The following KLHL29 variants were observed in gnomAD, a reference collection of about 807,000 sequenced individuals.
KLHL29 encodes the protein kelch like family member 29.
Under a neutral mutation model 80.4 loss-of-function variants are expected in KLHL29, and 21 were observed. The observed-to-expected ratio is 0.26, with a 90% CI of 0.19 to 0.38. The LOEUF is 0.38. KLHL29 is among the 10% of genes least tolerant of loss of function. The probability of loss-of-function intolerance (pLI) is 1.00; values close to 1 mark genes in which losing one functional copy is unlikely to be tolerated. For synonymous variants in KLHL29, 511 were observed against 526.8 expected, an observed-to-expected ratio of 0.97 and a Z score of 0.41; for missense variants, 867 against 1,223.9, an observed-to-expected ratio of 0.71 and a Z score of 4.35.
intron 2 of KLHL29, among the ~76,000 whole-genome samples, chr2:23,504,761 G>A (rs1665551724): frequency 6.6e-6 from 1 of 152,256 alleles, no homozygotes; most frequent in South Asian, 2.1e-4. Flanking sequence ...GAGCCAGCAT[G>A]TGCCGGGCAC....
chr2:23,527,372 G>A (rs1484269088), intron 2 of KLHL29, among the ~76,000 whole-genome samples: 1 of 152,228 alleles, frequency 6.6e-6, no homozygotes, highest in Non-Finnish European at 1.5e-5. Flanking sequence ...ACCACACTGT[G>A]TCTGCAGGGC....
At chr2:23,403,827 A>G (rs1028465469) in intron 1 of KLHL29, among the ~76,000 whole-genome samples, 3 of 151,890 alleles carry the variant, frequency 2.0e-5, no homozygotes, top group Non-Finnish European at 2.9e-5. Context: ...TCTCCCAGAA[A>G]AAGAGCGTGT....
At chr2:23,572,857 C>T (rs1806977) in intron 3 of KLHL29, among the ~76,000 whole-genome samples, 2 of 152,216 alleles carry the variant, frequency 1.3e-5, no homozygotes, top group Non-Finnish European at 2.9e-5. Flanking sequence ...CCCGCCTCCG[C>T]GCCTGGCTAA....
chr2:23,606,134 G>C (rs2103526664), intron 3 of KLHL29, among the ~76,000 whole-genome samples: 1 of 150,926 alleles, frequency 6.6e-6, no homozygotes, highest in Admixed American at 6.6e-5. Context: ...ATCATTCCGT[G>C]AGCTAGTGTG....
At chr2:23,646,917 G>A (rs527560872) in intron 5 of KLHL29, among the ~76,000 whole-genome samples, 10 of 152,304 alleles carry the variant, frequency 6.6e-5, no homozygotes, top group South Asian at 2.1e-4. Context: ...GTGAGATTGC[G>A]GACATGTCCG....
At chr2:23,579,324 T>C (rs1041646095) in intron 3 of KLHL29, among the ~76,000 whole-genome samples, 1 of 152,240 alleles carries the variant, frequency 6.6e-6, no homozygotes, top group Non-Finnish European at 1.5e-5. Context: ...CTTCGAAGCC[T>C]GTGACTCTAA....
intron 1 of KLHL29, among the ~76,000 whole-genome samples, chr2:23,414,329 G>A (rs1666936492): frequency 6.6e-6 from 1 of 152,220 alleles, no homozygotes; most frequent in South Asian, 2.1e-4. Context: ...GGGGCTGTGG[G>A]GGCCGCGCAG....
chr2:23,488,575 C>G (rs1337291086), intron 2 of KLHL29, among the ~76,000 whole-genome samples: 1 of 152,230 alleles, frequency 6.6e-6, no homozygotes. Flanking sequence ...CAGAGAAAAG[C>G]AGAAAGGTTT....
intron 1 of KLHL29, among the ~76,000 whole-genome samples, chr2:23,400,606 G>A (rs888584925): frequency 4.6e-5 from 7 of 151,948 alleles, no homozygotes; most frequent in East Asian, 1.9e-4. Flanking sequence ...AGGTGGGAGC[G>A]TTGCTTGAAA....
At chr2:23,545,317 T>C (rs1268916030) in intron 2 of KLHL29, among the ~76,000 whole-genome samples, 1 of 152,220 alleles carries the variant, frequency 6.6e-6, no homozygotes, top group Non-Finnish European at 1.5e-5. Flanking sequence ...CCAAGTGGCC[T>C]TGAGCAAGCC....
At chr2:23,692,472 C>T (rs769508217) in intron 7 of KLHL29, among the ~76,000 whole-genome samples, 22 of 152,198 alleles carry the variant, frequency 1.4e-4, no homozygotes, top group Admixed American at 3.3e-4. Flanking sequence ...CGAAAGCCCC[C>T]AAAGAAGCAG....
At chr2:23,407,282 G>A (rs941079205) in intron 1 of KLHL29, among the ~76,000 whole-genome samples, 1 of 152,120 alleles carries the variant, frequency 6.6e-6, no homozygotes, top group Non-Finnish European at 1.5e-5. Flanking sequence ...GGAGCAGCAT[G>A]TGAATACTCA....
chr2:23,612,079 C>T (rs1482245562), intron 3 of KLHL29, among the ~76,000 whole-genome samples: 1 of 152,110 alleles, frequency 6.6e-6, no homozygotes, highest in Non-Finnish European at 1.5e-5. Flanking sequence ...AGCAATATTT[C>T]AAGAAAATGG....
intron 2 of KLHL29, among the ~76,000 whole-genome samples, chr2:23,482,828 CAT>C (rs1664834918): frequency 0.041 from 6 of 148 alleles, no homozygotes; most frequent in Non-Finnish European, 0.12. Flanking sequence ...AACGCTCACT[CAT>C]TCATTCATTC....
In KLHL29 at chr2:23,691,725, G is replaced by A. The variant is rs1261115367; in HGVS notation, c.1131G>A (p.Leu377=). Residue 377 remains leucine, a synonymous_variant, in exon 7 of 14, where the codon CTG becomes CTA. Transcript: ENST00000486442. ...QGGREKLELV[L]SNLQADVLEL... is the part of the protein sequence containing the mutation. Reference sequence around the variant, plus strand: ...GCCGGGAGAAGCTGGAGCTCGTCCTGTCGAACCTGCAGGCAGACGTCCTGG... The same window carrying A: ...GCCGGGAGAAGCTGGAGCTCGTCCTATCGAACCTGCAGGCAGACGTCCTGG... The A allele has an allele frequency of 6.4e-7, 1 of 1,551,694 alleles. No homozygotes were observed. The highest frequency in any genetic ancestry group is 8.7e-7 in the Non-Finnish European group (1 of 1,147,028).
At chr2:23,694,230 G>A (rs1187048987) in intron 8 of KLHL29, among the ~76,000 whole-genome samples, 2 of 152,192 alleles carry the variant, frequency 1.3e-5, no homozygotes, top group Non-Finnish European at 2.9e-5. Flanking sequence ...ACCTCTTCCT[G>A]TTCCTTATTT....
In KLHL29 at chr2:23,700,719, C is replaced by T. The variant is rs56311441; in HGVS notation, c.2106-2467C>T. Among the ~76,000 whole-genome samples the T allele has an allele frequency of 0.046, 7,079 of 152,268 alleles. 232 individuals carry two copies. Among genetic ancestry groups the T allele is most frequent in the Middle Eastern group, 0.071 (21 of 294 alleles). ...TTCTTCCAAAAGAAGTCTACACCCACGGTCTCCACTGACACAAATGGGTTC... is the reference window on the plus strand; with the variant it reads ...TTCTTCCAAAAGAAGTCTACACCCATGGTCTCCACTGACACAAATGGGTTC... On this transcript the variant is annotated intron_variant, in intron 11 of 13. Coordinates refer to ENST00000486442, the MANE Select transcript of KLHL29 (RefSeq NM_052920.2). The surrounding 1 kb of genome is among the most constrained non-coding windows in gnomAD (Gnocchi z 4.6).
intron 6 of KLHL29, 144 bp from the exon 7 acceptor site, chr2:23,691,530 T>G: frequency 1.6e-6 from 1 of 640,578 alleles, no homozygotes; most frequent in Non-Finnish European, 2.7e-6. Flanking sequence ...TGTCACAGCA[T>G]TAGGTTCAGG....
Position 23,535,458 on chromosome 2 carries a change from C to T in KLHL29, c.-45-26694C>T, listed in dbSNP as rs1421340419. ...GATATTTGTATACCCATGTTAATAG[C>T]AGCATTATTCACAATAGCCAAAAGG... On this transcript the variant is annotated intron_variant, in intron 2 of 13. Coordinates refer to ENST00000486442, the MANE Select transcript of KLHL29 (RefSeq NM_052920.2). Among the ~76,000 whole-genome samples, 5 of 152,238 alleles carry T rather than the reference C, an allele frequency of 3.3e-5. No individual in the cohort carries two copies. The South Asian group carries it at 1.0e-3, about 32-fold the overall frequency.
Sources: allele counts gnomAD v4.1 joint callset (sites outside exome capture counted in the v4.1 genomes callset), GRCh38; gene constraint gnomAD v4.1.1; non-coding constraint Gnocchi (gnomAD v3.1); transcripts MANE v1.5; gene names NCBI Gene and HGNC (gene_info 2026-07-23, HGNC 2026-07-21).